The following CTNND2 variants were observed in gnomAD, a reference collection of about 807,000 sequenced individuals.
CTNND2 encodes the protein catenin delta 2, also known as catenin delta-2.
CTNND2 carries 22 observed loss-of-function variants against 144.4 expected under a neutral mutation model. That is an observed-to-expected ratio of 0.15 (90% CI 0.11 to 0.22). The LOEUF (loss-of-function observed/expected upper bound fraction) is 0.22, where lower values mean the gene tolerates loss of function less well. Ranked by LOEUF, CTNND2 falls within the 10% of genes least tolerant of loss-of-function variation. CTNND2 has a pLI of 1.00. For missense variants in CTNND2, 1,353 were observed against 1,618.8 expected (o/e 0.84, Z 2.82); for synonymous variants, 751 against 695.6 (o/e 1.08, Z -1.25).
intron 3 of CTNND2, among the ~76,000 whole-genome samples, chr5:11,529,152 A>C (rs1202688451): frequency 6.6e-6 from 1 of 152,180 alleles, no homozygotes; most frequent in Non-Finnish European, 1.5e-5. Context: ...CTTGCCACTG[A>C]CCAAAAGGAA....
intron 9 of CTNND2, among the ~76,000 whole-genome samples, chr5:11,323,905 C>G (rs1752289213): frequency 6.6e-6 from 1 of 152,002 alleles, no homozygotes; most frequent in Non-Finnish European, 1.5e-5. Flanking sequence ...ACAGGATTCC[C>G]CAGCGAGGAA....
intron 1 of CTNND2, among the ~76,000 whole-genome samples, chr5:11,749,191 A>T (rs1788474788): frequency 6.6e-6 from 1 of 151,998 alleles, no homozygotes; most frequent in South Asian, 2.1e-4. Context: ...TGACTGAAAC[A>T]TTAGAGGAAA....
intron 2 of CTNND2, among the ~76,000 whole-genome samples, chr5:11,686,347 A>T (rs1053777509): frequency 1.3e-5 from 2 of 152,114 alleles, no homozygotes; most frequent in Non-Finnish European, 2.9e-5. Context: ...ATGCCAGGCC[A>T]CTCCATTTGC....
rs1193876723 is a variant in CTNND2, at chr5:11,097,524, G to A, written c.2637+1051C>T. 3.3e-5 allele frequency among the ~76,000 whole-genome samples: 5 copies of A among 152,206 alleles called. No individual in the cohort carries two copies. In the East Asian group the frequency reaches 9.6e-4, roughly 29 times the overall value. On this transcript the variant is annotated intron_variant, in intron 15 of 21. Coordinates refer to ENST00000304623, the MANE Select transcript of CTNND2 (RefSeq NM_001332.4). ...GGGCCTGGCACCCATGAGCTGGGAT[G>A]GCACACTTGAGAAAGAAGGAAGTTC... is the stretch of plus-strand genomic sequence containing the variant.
At chr5:11,046,914 C>T (rs1284624343) in intron 16 of CTNND2, among the ~76,000 whole-genome samples, 6 of 152,164 alleles carry the variant, frequency 3.9e-5, no homozygotes, top group South Asian at 2.1e-4. Context: ...CCAGCACTGA[C>T]GAAATGGCAA....
At chr5:11,645,352 AACAGGTCCATATAAC>A (rs1474365393) in intron 2 of CTNND2, among the ~76,000 whole-genome samples, 1 of 152,160 alleles carries the variant, frequency 6.6e-6, no homozygotes, top group East Asian at 1.9e-4. Flanking sequence ...CAGAATGTGA[AACAGGTCCATATAAC>A]ACAGAATGAT....
chr5:11,030,484 A>T (rs1238087710), intron 16 of CTNND2, among the ~76,000 whole-genome samples: 1 of 151,762 alleles, frequency 6.6e-6, no homozygotes, highest in African/African-American at 2.4e-5. Context: ...CTGTCTTTCA[A>T]CTTTGCTGAT....
chr5:11,590,551 G>A (rs186760916), intron 2 of CTNND2, among the ~76,000 whole-genome samples: 14 of 151,626 alleles, frequency 9.2e-5, no homozygotes, highest in African/African-American at 2.4e-4. Flanking sequence ...ATATTCCCCC[G>A]TCCTTGTGAA....
intron 2 of CTNND2, among the ~76,000 whole-genome samples, chr5:11,712,504 T>C (rs915773458): frequency 6.6e-6 from 1 of 152,322 alleles, no homozygotes. Flanking sequence ...ACTGTTCTGT[T>C]CTTTATTCAA....
intron 3 of CTNND2, among the ~76,000 whole-genome samples, chr5:11,431,767 C>T (rs1763308152): frequency 6.6e-6 from 1 of 152,028 alleles, no homozygotes; most frequent in Non-Finnish European, 1.5e-5. Context: ...AAAGAACCAC[C>T]CAGACATGCC....
At chr5:11,003,178 G>A (rs929795213) in intron 18 of CTNND2, among the ~76,000 whole-genome samples, 3 of 152,082 alleles carry the variant, frequency 2.0e-5, no homozygotes, top group African/African-American at 7.2e-5. Context: ...AGCTTGTCAA[G>A]TCTAATTTTT....
At chr5:11,155,159 G>A (rs756778008) in intron 12 of CTNND2, among the ~76,000 whole-genome samples, 27 of 152,188 alleles carry the variant, frequency 1.8e-4, no homozygotes, top group Non-Finnish European at 2.6e-4. Context: ...CCTGGTTAGC[G>A]TTCAGACCAT....
intron 1 of CTNND2, among the ~76,000 whole-genome samples, chr5:11,861,954 C>G (rs186205843): frequency 6.6e-6 from 1 of 152,152 alleles, no homozygotes; most frequent in Non-Finnish European, 1.5e-5. Context: ...CTCAATGTAA[C>G]CTACCCTGAC....
At chr5:11,678,555 A>T (rs893234707) in intron 2 of CTNND2, among the ~76,000 whole-genome samples, 19 of 152,192 alleles carry the variant, frequency 1.2e-4, no homozygotes, top group African/African-American at 4.6e-4. Context: ...ATAGGAAATT[A>T]AATGTTATTA....
In CTNND2 at chr5:11,303,539, G is replaced by A. The variant is rs116302197; in HGVS notation, c.1628+42833C>T. On this transcript the variant is annotated intron_variant, in intron 9 of 21. Coordinates refer to ENST00000304623, the MANE Select transcript of CTNND2 (RefSeq NM_001332.4). Reference sequence around the variant, plus strand: ...TGTAATGGATGCAAACTGCTGAAGCGGATGCCTGGCACAGACTTCACCTTC... The same window carrying A: ...TGTAATGGATGCAAACTGCTGAAGCAGATGCCTGGCACAGACTTCACCTTC... Among the ~76,000 whole-genome samples, 12 of 152,218 alleles carry A rather than the reference G, an allele frequency of 7.9e-5. No individual in the cohort carries two copies. In the South Asian group the frequency reaches 1.0e-3, roughly 13 times the overall value.
chr5:11,131,439 G>A (rs779101944), intron 12 of CTNND2, among the ~76,000 whole-genome samples: 8 of 152,260 alleles, frequency 5.3e-5, no homozygotes, highest in Admixed American at 1.3e-4. Flanking sequence ...GACTGTGGGC[G>A]TTAAGATTTT....
chr5:11,549,512 A>G (rs1253599661), intron 3 of CTNND2, among the ~76,000 whole-genome samples: 2 of 152,128 alleles, frequency 1.3e-5, no homozygotes, highest in Non-Finnish European at 2.9e-5. Context: ...AATGCCATAC[A>G]TTTCCATAAT....
chr5:11,167,334 G>C (rs2149781266), intron 11 of CTNND2, among the ~76,000 whole-genome samples: 1 of 152,238 alleles, frequency 6.6e-6, no homozygotes, highest in Middle Eastern at 3.4e-3. Context: ...TTGAGAATTA[G>C]GTAGAATTAT....
intron 16 of CTNND2, among the ~76,000 whole-genome samples, chr5:11,028,269 C>T (rs13185830): frequency 0.075 from 11,357 of 152,196 alleles, 557 homozygotes; most frequent in Non-Finnish European, 0.1. Context: ...CCTTTGTCTT[C>T]GAGGTTTAAG....
Sources: allele counts gnomAD v4.1 joint callset (sites outside exome capture counted in the v4.1 genomes callset), GRCh38; gene constraint gnomAD v4.1.1; transcripts MANE v1.5; gene names NCBI Gene and HGNC (gene_info 2026-07-23, HGNC 2026-07-21).